The following PRDM16 variants were observed in gnomAD, a reference collection of about 807,000 sequenced individuals.
The protein encoded by PRDM16 is PR/SET domain 16.
Under a neutral mutation model 110.6 loss-of-function variants are expected in PRDM16, and 23 were observed. The ratio of observed to expected loss-of-function variants is 0.21; its 90% CI spans 0.15 to 0.29. The LOEUF (loss-of-function observed/expected upper bound fraction) is 0.29. Among genes scored for constraint, PRDM16 ranks in the 10% least tolerant of loss-of-function variants. PRDM16 has a pLI of 1.00. For synonymous variants in PRDM16, 799 were observed against 781.8 expected (o/e 1.02, Z -0.37); for missense variants, 1,615 against 1,794.3 (o/e 0.90, Z 1.81).
intron 3 of PRDM16, among the ~76,000 whole-genome samples, chr1:3,341,224 T>G (rs1389680233): frequency 6.6e-6 from 1 of 152,022 alleles, no homozygotes; most frequent in African/African-American, 2.4e-5. Context: ...TGTCGCCTGG[T>G]GGGTGTGGCA....
intron 9 of PRDM16, among the ~76,000 whole-genome samples, chr1:3,414,269 C>T (rs1448510656): frequency 1.3e-5 from 2 of 152,124 alleles, no homozygotes; most frequent in South Asian, 2.1e-4. Context: ...TGAAGGCCCT[C>T]GAGGGGACCT....
chr1:3,077,004 T>A (rs1641915665), intron 1 of PRDM16, among the ~76,000 whole-genome samples: 1 of 152,172 alleles, frequency 6.6e-6, no homozygotes, highest in Non-Finnish European at 1.5e-5. Context: ...TGGCTGGCTC[T>A]CCCCAAACCT....
chr1:3,326,699 C>T (rs778648227), intron 3 of PRDM16, among the ~76,000 whole-genome samples: 1 of 152,194 alleles, frequency 6.6e-6, no homozygotes, highest in Non-Finnish European at 1.5e-5. Context: ...AAGGAGGTCT[C>T]GAAGCAGTGG....
chr1:3,181,590 ATG>A (rs1209589360), intron 1 of PRDM16, among the ~76,000 whole-genome samples: 103 of 88,478 alleles, frequency 1.2e-3, no homozygotes, highest in African/African-American at 2.4e-3. Flanking sequence ...GGTCTTACAT[ATG>A]GTCTTACACA....
At position 3,150,899 on chromosome 1, in the gene PRDM16, C is replaced by G. The variant is rs1398278175; in HGVS notation, c.38-35226C>G. ...GGGGCTGGTCCTAGAGCTATGGAAA[C>G]GGGGGGGCTGGTCCTAGAGCTATGG... is the stretch of plus-strand genomic sequence containing the variant. On this transcript the variant is annotated intron_variant, in intron 1 of 16. Transcript: ENST00000270722. 4.9e-3 allele frequency among the ~76,000 whole-genome samples: 434 copies of G among 87,696 alleles called. 6 individuals are homozygous for G. Among genetic ancestry groups the G allele is most frequent in the African/African-American group, 0.019 (398 of 21,034 alleles). The allele number at this position is 87,696 out of a possible 152,430, so 57.5% of individuals were successfully genotyped here.
rs1642467452 is a variant in PRDM16 at position 3,350,858 on chromosome 1, C to T, written c.439-34294C>T. On this transcript the variant is annotated intron_variant, in intron 3 of 16. Coordinates refer to ENST00000270722, the MANE Select transcript of PRDM16 (RefSeq NM_022114.4). The surrounding 1 kb of genome is among the most constrained non-coding windows in gnomAD (Gnocchi z 7.1). ...GGGGCCCAGCCAGCGCCAGGCACTT[C>T]TGGCTGGGGGATATACACCCCCCAG... 6.6e-6 allele frequency among the ~76,000 whole-genome samples: 1 copy of T among 152,146 alleles called. No individual in the cohort carries two copies. Among genetic ancestry groups the T allele is most frequent in the Non-Finnish European group, 1.5e-5 (1 of 68,016 alleles).
chr1:3,114,466 C>T lies in PRDM16; in HGVS notation c.37+45170C>T, dbSNP rs57983998. Among the ~76,000 whole-genome samples the T allele has an allele frequency of 6.8e-3, 1,011 of 147,948 alleles. 7 individuals carry two copies. Among genetic ancestry groups the T allele is most frequent in the African/African-American group, 0.024 (933 of 38,824 alleles). On this transcript the variant is annotated intron_variant, in intron 1 of 16. Coordinates refer to ENST00000270722, the MANE Select transcript of PRDM16 (RefSeq NM_022114.4). ...ACGCACACGCACACACACGCACACA[C>T]GCAGTGTAAACAGACACGCACGCAC...
chr1:3,115,619 G>A (rs1054568419), intron 1 of PRDM16, among the ~76,000 whole-genome samples: 1 of 152,234 alleles, frequency 6.6e-6, no homozygotes, highest in Admixed American at 6.5e-5. Flanking sequence ...AAGCCGAGAG[G>A]GGGCGGGGGC....
At chr1:3,254,141 T>C (rs575682663) in intron 3 of PRDM16, among the ~76,000 whole-genome samples, 1 of 152,320 alleles carries the variant, frequency 6.6e-6, no homozygotes, top group Non-Finnish European at 1.5e-5. Context: ...GAAAATTTTC[T>C]CCCATTTTGT....
intron 1 of PRDM16, among the ~76,000 whole-genome samples, chr1:3,091,749 A>G (rs924549391): frequency 6.6e-6 from 1 of 152,078 alleles, no homozygotes; most frequent in Non-Finnish European, 1.5e-5. Flanking sequence ...CCATAGATAT[A>G]TGGGTCGTGA....
chr1:3,211,634 G>A (rs1569852436), intron 2 of PRDM16, among the ~76,000 whole-genome samples: 1 of 152,364 alleles, frequency 6.6e-6, no homozygotes, highest in East Asian at 1.9e-4. Context: ...CCAGCCCACT[G>A]GCCGCAGCAG....
At chr1:3,408,489 TGTGA>T (rs1300550532) in intron 8 of PRDM16, among the ~76,000 whole-genome samples, 6 of 151,522 alleles carry the variant, frequency 4.0e-5, no homozygotes, top group Admixed American at 2.6e-4. Context: ...TGTGAGAGTG[TGTGA>T]GTGTGGGCGC....
chr1:3,348,685 C>T (rs1642413930), intron 3 of PRDM16, among the ~76,000 whole-genome samples: 1 of 152,274 alleles, frequency 6.6e-6, no homozygotes, highest in South Asian at 2.1e-4. Context: ...AGCCCTGTCC[C>T]TGTCTCCTGA....
At chr1:3,371,160 A>G (rs1373177466) in intron 3 of PRDM16, among the ~76,000 whole-genome samples, 2 of 149,770 alleles carry the variant, frequency 1.3e-5, no homozygotes, top group Non-Finnish European at 3.0e-5. Context: ...TTGTCCATCC[A>G]CCCACCGATC....
intron 3 of PRDM16, among the ~76,000 whole-genome samples, chr1:3,338,603 G>A (rs931839240): frequency 4.6e-5 from 7 of 152,188 alleles, no homozygotes; most frequent in Non-Finnish European, 1.5e-5. Context: ...TGGCCTCTGG[G>A]TGCTCAGCCC....
chr1:3,139,097 T>TA (rs1402256781), intron 1 of PRDM16, among the ~76,000 whole-genome samples: 2 of 152,184 alleles, frequency 1.3e-5, no homozygotes, highest in African/African-American at 2.4e-5. Flanking sequence ...CTCCATGACT[T>TA]ACGCTTGTTG....
chr1:3,345,106 C>T (rs547471747), intron 3 of PRDM16, among the ~76,000 whole-genome samples: 2 of 152,336 alleles, frequency 1.3e-5, no homozygotes, highest in South Asian at 4.1e-4. Context: ...CATAAGACTG[C>T]AGCTTTCTGC....
At chr1:3,152,348 TCATCCATCCATCCATCCATC>T (rs70938075) in intron 1 of PRDM16, among the ~76,000 whole-genome samples, 3 of 149,510 alleles carry the variant, frequency 2.0e-5, no homozygotes, top group Non-Finnish European at 4.4e-5. Flanking sequence ...ATCTATGCAT[TCATCCATCCATCCATCCATC>T]CATCCATCCA....
Position 3,437,148 on chromosome 1 carries a change from G to A in PRDM16, c.*3337G>A. The A allele has an allele frequency of 4.3e-6, 1 of 231,588 alleles. No individual in the cohort carries two copies. Among genetic ancestry groups the A allele is most frequent in the Non-Finnish European group, 8.5e-6 (1 of 117,146 alleles). 14.3% of individuals were successfully genotyped at this position (231,588 alleles called of 1,614,324 possible). A position where few individuals can be genotyped will look rare whatever the true frequency, so the allele number is the denominator to read the frequency against. ...GCCTGGGGCCCTGGGGTGTGGAGCA[G>A]TGGCTGGGGTGGGCGTGGTGTGGCC... is the stretch of plus-strand genomic sequence containing the variant. On this transcript the variant is annotated 3_prime_UTR_variant, in exon 17 of 17. Coordinates refer to ENST00000270722, the MANE Select transcript of PRDM16 (RefSeq NM_022114.4).
Sources: allele counts gnomAD v4.1 joint callset (sites outside exome capture counted in the v4.1 genomes callset), GRCh38; gene constraint gnomAD v4.1.1; non-coding constraint Gnocchi (gnomAD v3.1); transcripts MANE v1.5; gene names NCBI Gene and HGNC (gene_info 2026-07-23, HGNC 2026-07-21).